COMMD1: variants seen among roughly 807,000 people sequenced by gnomAD.
The protein encoded by COMMD1 is copper metabolism domain containing 1.
In COMMD1, 10 loss-of-function variants were observed where a neutral mutation model predicts 17.2. The ratio of observed to expected loss-of-function variants is 0.58; its 90% CI spans 0.36 to 0.99. The LOEUF (loss-of-function observed/expected upper bound fraction) is 0.99, where lower values mean the gene tolerates loss of function less well. Ranked by LOEUF, COMMD1 falls within the 50% of genes least tolerant of loss-of-function variation. The pLI is 0.01. For missense variants in COMMD1, 270 were observed against 231.8 expected, an observed-to-expected ratio of 1.17 and a Z score of -1.07; for synonymous variants, 97 against 91.6, an observed-to-expected ratio of 1.06 and a Z score of -0.34.
chr2:62,047,642 A>G (rs988473532), intron 2 of COMMD1, among the ~76,000 whole-genome samples: 7 of 151,758 alleles, frequency 4.6e-5, no homozygotes, highest in Non-Finnish European at 1.5e-5. Context: ...TTTAGGAGAG[A>G]TGGGGTTTCA....
intron 1 of COMMD1, among the ~76,000 whole-genome samples, chr2:61,962,088 T>G (rs1290761871): frequency 6.6e-6 from 1 of 152,238 alleles, no homozygotes; most frequent in East Asian, 1.9e-4. Context: ...ACGAAGAGGT[T>G]GATTAGAGGC....
chr2:62,111,460 G>T (rs1019727410), intron 2 of COMMD1, among the ~76,000 whole-genome samples: 1 of 152,186 alleles, frequency 6.6e-6, no homozygotes, highest in East Asian at 1.9e-4. Flanking sequence ...AATAGACTGA[G>T]GGGGGAAGCC....
intron 2 of COMMD1, among the ~76,000 whole-genome samples, chr2:62,132,435 C>T (rs573080187): frequency 9.2e-5 from 14 of 152,314 alleles, no homozygotes; most frequent in African/African-American, 3.1e-4. Context: ...CTGTAACTTA[C>T]TTTCACTGAG....
chr2:62,055,801 G>C (rs1378422092), intron 2 of COMMD1, among the ~76,000 whole-genome samples: 1 of 152,208 alleles, frequency 6.6e-6, no homozygotes, highest in Admixed American at 6.5e-5. Flanking sequence ...CTCTCAGCTA[G>C]CACCATAAGT....
intron 1 of COMMD1, among the ~76,000 whole-genome samples, chr2:61,941,432 AG>A (rs1327270204): frequency 1.3e-5 from 2 of 152,196 alleles, no homozygotes; most frequent in Admixed American, 6.5e-5. Flanking sequence ...CCCATGTAAA[AG>A]GGGCCCCTTT....
chr2:62,093,307 G>A (rs776059463), intron 2 of COMMD1, among the ~76,000 whole-genome samples: 10 of 152,172 alleles, frequency 6.6e-5, no homozygotes, highest in African/African-American at 2.2e-4. Flanking sequence ...GCTTGCTAGG[G>A]TTAGGTTTTG....
In COMMD1 at chr2:62,000,707, G is replaced by A. The variant is rs1668907588; in HGVS notation, c.187G>A (p.Ala63Thr). The A allele has an allele frequency of 1.2e-6, 2 of 1,613,852 alleles. No individual in the cohort carries two copies. The highest frequency in any genetic ancestry group is 1.7e-6 in the Non-Finnish European group (2 of 1,179,966). The change falls in exon 2 of 3, where the codon GCG (alanine) becomes ACG (threonine). Residue 63 changes from alanine to threonine, a missense_variant. Coordinates refer to ENST00000311832, the MANE Select transcript of COMMD1 (RefSeq NM_152516.4). ...AKMRGILKSIASADMDFNQLE... is the reference protein window; with the variant it reads ...AKMRGILKSITSADMDFNQLE... ...TTTTCTGTCATCTTTATAGTCTATT[G>A]CGTCTGCAGACATGGATTTCAACCA...
At chr2:61,997,810 G>A (rs2103795796) in intron 1 of COMMD1, among the ~76,000 whole-genome samples, 1 of 152,300 alleles carries the variant, frequency 6.6e-6, no homozygotes, top group East Asian at 1.9e-4. Flanking sequence ...TTTGAAGCTA[G>A]GCATTGACTT....
intron 1 of COMMD1, among the ~76,000 whole-genome samples, chr2:61,926,336 T>C (rs1670329552): frequency 6.6e-6 from 1 of 152,194 alleles, no homozygotes; most frequent in Non-Finnish European, 1.5e-5. Flanking sequence ...ATTGTCCCCT[T>C]TGTGAGGTTA....
chr2:62,132,979 A>G (rs1222519516), intron 2 of COMMD1, among the ~76,000 whole-genome samples: 1 of 152,232 alleles, frequency 6.6e-6, no homozygotes, highest in Non-Finnish European at 1.5e-5. Context: ...TTTTCTTTCC[A>G]AAAGGAGATA....
intron 2 of COMMD1, chr2:62,070,143 C>G (rs970813917): frequency 6.6e-6 from 1 of 152,124 alleles, no homozygotes; most frequent in Non-Finnish European, 1.5e-5. Context: ...CCTTCAGGCT[C>G]TATAATTAGA....
chr2:61,893,644 T>C (rs1487115330), intron 1 of COMMD1, among the ~76,000 whole-genome samples: 1 of 152,018 alleles, frequency 6.6e-6, no homozygotes, highest in Admixed American at 6.6e-5. Flanking sequence ...TGAAACCCTG[T>C]CTCTACTAAA....
upstream of COMMD1, among the ~76,000 whole-genome samples, chr2:61,903,404 A>G (rs1415641957): frequency 6.6e-6 from 1 of 151,948 alleles, no homozygotes; most frequent in East Asian, 2.0e-4. Flanking sequence ...AGATTGTGCC[A>G]CTGCACTCCA....
intron 1 of COMMD1, among the ~76,000 whole-genome samples, chr2:61,936,671 C>T (rs1007028338): frequency 1.3e-5 from 2 of 152,100 alleles, no homozygotes; most frequent in African/African-American, 4.8e-5. Context: ...TGGGCTCAAG[C>T]GATCCTCCTG....
chr2:62,103,213 C>T (rs369002658), intron 2 of COMMD1, among the ~76,000 whole-genome samples: 3 of 152,166 alleles, frequency 2.0e-5, no homozygotes, highest in South Asian at 4.1e-4. Flanking sequence ...CTCCTGACCT[C>T]GTGATCCGCC....
At chr2:61,968,949 T>C in intron 1 of COMMD1, 2 of 285,876 alleles carry the variant, frequency 7.0e-6, no homozygotes, top group Non-Finnish European at 1.5e-5. Flanking sequence ...TTTAGTCTTT[T>C]TTTTTTTTTT....
intron 2 of COMMD1, among the ~76,000 whole-genome samples, chr2:62,016,599 T>A (rs371401738): frequency 2.0e-5 from 3 of 152,112 alleles, no homozygotes; most frequent in Non-Finnish European, 2.9e-5. Context: ...GGAGTTTTTT[T>A]AAATGTATTC....
chr2:62,018,839 A>T (rs981388446), intron 2 of COMMD1, among the ~76,000 whole-genome samples: 1 of 152,190 alleles, frequency 6.6e-6, no homozygotes, highest in Non-Finnish European at 1.5e-5. Flanking sequence ...TTAATTTCTC[A>T]TAGTTCTGTA....
chr2:61,986,900 G>A (rs1164204102), intron 1 of COMMD1, among the ~76,000 whole-genome samples: 1 of 151,944 alleles, frequency 6.6e-6, no homozygotes, highest in Non-Finnish European at 1.5e-5. Flanking sequence ...TTGACTGTGT[G>A]TTTTCAAATA....
Sources: gnomAD v4.1 joint callset for allele counts (sites outside exome capture counted in the v4.1 genomes callset) on GRCh38, gnomAD v4.1.1 for gene constraint, MANE v1.5 for transcripts, NCBI Gene and HGNC (gene_info 2026-07-23, HGNC 2026-07-21) for gene names.